ZNF469: variants seen among roughly 807,000 people sequenced by gnomAD.
The protein encoded by ZNF469 is zinc finger protein 469.
Under a neutral mutation model 1.0 loss-of-function variants are expected in ZNF469, and 1 was observed. The observed-to-expected ratio is 1.00, with a 90% confidence interval of 0.35 to 4.73. The LOEUF is 4.73. Ranked by LOEUF, ZNF469 falls within the 30% of genes most tolerant of loss-of-function variation. ZNF469 has a pLI of 0.16. For synonymous variants in ZNF469, 2,703 were observed against 2,363.4 expected (o/e 1.14, Z -4.17); for missense variants, 6,100 against 5,356.3 (o/e 1.14, Z -4.33).
chr16:88,238,529 C>G, the ZNF469 span, among the ~76,000 whole-genome samples: 2 of 152,126 alleles, frequency 1.3e-5, no homozygotes, highest in Admixed American at 6.5e-5. Flanking sequence ...CTGCCTGGGT[C>G]TTTCCAAGCC....
chr16:88,113,371 T>C, the ZNF469 span, among the ~76,000 whole-genome samples: 1 of 152,316 alleles, frequency 6.6e-6, no homozygotes, highest in African/African-American at 2.4e-5. Flanking sequence ...TTCCCCAGGG[T>C]ATGTTCTTGC....
At chr16:88,364,402 C>A in the ZNF469 span, among the ~76,000 whole-genome samples, 1 of 146,490 alleles carries the variant, frequency 6.8e-6, no homozygotes, top group Non-Finnish European at 1.5e-5. Context: ...AGCCTTCCAG[C>A]ATGTTCTTCC....
At chr16:88,213,250 C>T in the ZNF469 span, among the ~76,000 whole-genome samples, 1 of 152,212 alleles carries the variant, frequency 6.6e-6, no homozygotes, top group African/African-American at 2.4e-5. Flanking sequence ...AGGCGCCCGC[C>T]ACCACGCCCA....
the ZNF469 span, among the ~76,000 whole-genome samples, chr16:88,230,425 A>T: frequency 2.6e-5 from 4 of 152,162 alleles, no homozygotes; most frequent in African/African-American, 9.7e-5. Flanking sequence ...GCAGGAAAGG[A>T]GCTGATAAGG....
intron 1 of ZNF469, among the ~76,000 whole-genome samples, chr16:88,386,381 C>A (rs544940605): frequency 6.6e-6 from 1 of 152,244 alleles, no homozygotes; most frequent in Non-Finnish European, 1.5e-5. Context: ...ACCCCACCGT[C>A]CCGCCCCATC....
the ZNF469 span, among the ~76,000 whole-genome samples, chr16:88,174,515 A>G: frequency 1.4e-5 from 1 of 69,442 alleles, no homozygotes. Flanking sequence ...TCTATCTATC[A>G]TCTATCTGTA....
At chr16:88,386,493 C>G (rs900193261) in intron 1 of ZNF469, among the ~76,000 whole-genome samples, 2 of 152,176 alleles carry the variant, frequency 1.3e-5, no homozygotes, top group African/African-American at 4.8e-5. Context: ...CATCCCACCT[C>G]CCATCACTGG....
At chr16:88,112,210 G>T in the ZNF469 span, among the ~76,000 whole-genome samples, 3 of 152,184 alleles carry the variant, frequency 2.0e-5, no homozygotes, top group Non-Finnish European at 4.4e-5. Flanking sequence ...GGCTGAGGTG[G>T]GTGGATCCCT....
At position 88,435,773 on chromosome 16, in the gene ZNF469, A is replaced by G; in HGVS notation, c.8303A>G (p.Lys2768Arg). The G allele has an allele frequency of 6.4e-7, 1 of 1,550,698 alleles. No individual in the cohort carries two copies. Among genetic ancestry groups the G allele is most frequent in the Non-Finnish European group, 8.7e-7 (1 of 1,146,966 alleles). The change falls in exon 3 of 3, where the codon AAA becomes AGA. Residue 2768 changes from lysine (K) to arginine (R), a missense_variant. Transcript: ENST00000565624. Reference sequence around the variant, plus strand: ...GAGACCAAGGCGTTGGGTGTGTGCAAAGAGTCTGGGAGCGAGCCTGCGGAG... The same window carrying G: ...GAGACCAAGGCGTTGGGTGTGTGCAGAGAGTCTGGGAGCGAGCCTGCGGAG... ...PRETKALGVCKESGSEPAEDS... is the reference protein window; with the variant it reads ...PRETKALGVCRESGSEPAEDS...
chr16:88,116,695 A>G, the ZNF469 span, among the ~76,000 whole-genome samples: 1 of 152,196 alleles, frequency 6.6e-6, no homozygotes, highest in African/African-American at 2.4e-5. Flanking sequence ...TCTCCAGAGA[A>G]TTCTGCCGAG....
the ZNF469 span, chr16:88,234,902 C>A: frequency 6.6e-6 from 1 of 152,132 alleles, no homozygotes; most frequent in Non-Finnish European, 1.5e-5. Context: ...CACGCAGAAG[C>A]TGTAATGTTC....
At chr16:88,153,120 G>A in the ZNF469 span, among the ~76,000 whole-genome samples, 1 of 152,216 alleles carries the variant, frequency 6.6e-6, no homozygotes, top group Non-Finnish European at 1.5e-5. Context: ...GGGGCCGGGG[G>A]TGTGGACAGT....
the ZNF469 span, among the ~76,000 whole-genome samples, chr16:88,290,190 G>A: frequency 3.3e-5 from 5 of 152,356 alleles, no homozygotes; most frequent in East Asian, 1.9e-4. Flanking sequence ...TAATATGTAC[G>A]CTGCACCACT....
the ZNF469 span, among the ~76,000 whole-genome samples, chr16:88,355,321 C>T: frequency 6.6e-6 from 1 of 152,246 alleles, no homozygotes; most frequent in Non-Finnish European, 1.5e-5. Context: ...TCTTGGGCCT[C>T]GGTTTCTGCT....
the ZNF469 span, among the ~76,000 whole-genome samples, chr16:88,163,673 G>A: frequency 3.3e-5 from 5 of 151,338 alleles, no homozygotes; most frequent in Non-Finnish European, 4.4e-5. Context: ...TAGATGGGTG[G>A]GCAGATATAT....
the ZNF469 span, among the ~76,000 whole-genome samples, chr16:88,158,246 A>T: frequency 6.8e-6 from 1 of 146,788 alleles, no homozygotes; most frequent in East Asian, 2.2e-4. Context: ...GAGGCGGGAG[A>T]TGGGAGGTGG....
At chr16:88,135,831 G>C in the ZNF469 span, among the ~76,000 whole-genome samples, 2 of 141,814 alleles carry the variant, frequency 1.4e-5, no homozygotes. Context: ...TTTGATCTCG[G>C]CTCACTGCAA....
At chr16:88,322,552 C>T in the ZNF469 span, among the ~76,000 whole-genome samples, 2 of 152,206 alleles carry the variant, frequency 1.3e-5, no homozygotes, top group African/African-American at 4.8e-5. Flanking sequence ...GCGGGAGCTA[C>T]GGCAAGTCCG....
the ZNF469 span, among the ~76,000 whole-genome samples, chr16:88,353,011 G>A: frequency 3.9e-5 from 6 of 152,176 alleles, no homozygotes; most frequent in East Asian, 1.9e-4. Context: ...AGTTGGGGGC[G>A]CCCAGGCAGG....
Sources: gnomAD v4.1 joint callset for allele counts (sites outside exome capture counted in the v4.1 genomes callset) on GRCh38, gnomAD v4.1.1 for gene constraint, MANE v1.5 for transcripts, NCBI Gene and HGNC (gene_info 2026-07-23, HGNC 2026-07-21) for gene names.